ROCK1: variants seen among roughly 807,000 people sequenced by gnomAD.
ROCK1 encodes Rho associated coiled-coil containing protein kinase 1.
In ROCK1, 36 loss-of-function variants were observed where a neutral mutation model predicts 196.8. The ratio of observed to expected loss-of-function variants is 0.18; its 90% confidence interval spans 0.14 to 0.24. The LOEUF is 0.24. Among genes scored for constraint, ROCK1 ranks in the 10% least tolerant of loss-of-function variants. ROCK1 has a pLI of 1.00. For synonymous variants in ROCK1, 443 were observed against 515.9 expected (o/e 0.86, Z 1.91); for missense variants, 920 against 1,562.0 (o/e 0.59, Z 6.93).
rs56303348 is a variant in ROCK1, at chr18:21,059,189, T to C, written c.176-9309A>G. Among the ~76,000 whole-genome samples the C allele has an allele frequency of 1.0e-2, 1,520 of 152,296 alleles. 30 individuals are homozygous for C. The highest frequency in any genetic ancestry group is 0.034 in the African/African-American group (1,431 of 41,550). On this transcript the variant is annotated intron_variant, in intron 2 of 32. Transcript: ENST00000399799. The stretch of plus-strand genomic sequence containing the variant: ...ATGCCTAGTTATTTGCAATTATCTA[T>C]ATAAGCCCATACTGCTTCATCTCTC...
chr18:20,993,091 T>G (rs2035640341), intron 16 of ROCK1, among the ~76,000 whole-genome samples, 154 bp from the exon 17 acceptor site: 1 of 152,278 alleles, frequency 6.6e-6, no homozygotes, highest in African/African-American at 2.4e-5. Flanking sequence ...AAACACAAGA[T>G]ATGGAATAAA....
intron 18 of ROCK1, among the ~76,000 whole-genome samples, chr18:20,988,499 T>C (rs1027170340): frequency 3.3e-5 from 5 of 152,210 alleles, no homozygotes; most frequent in African/African-American, 1.2e-4. Context: ...CTTGAAAGCA[T>C]TCCCCACAGA....
intron 29 of ROCK1, 29 bp downstream of exon 29, chr18:20,959,811 C>G: frequency 8.2e-7 from 1 of 1,223,016 alleles, no homozygotes; most frequent in Non-Finnish European, 1.2e-6. Context: ...GCTCTCAACC[C>G]CTTTAAAATT....
intron 2 of ROCK1, among the ~76,000 whole-genome samples, chr18:21,058,496 A>T (rs775315463): frequency 2.6e-5 from 4 of 152,234 alleles, no homozygotes; most frequent in Non-Finnish European, 5.9e-5. Context: ...CCCAGTATAC[A>T]TTGCATACTT....
At chr18:21,108,377 A>T (rs910888796) in intron 1 of ROCK1, among the ~76,000 whole-genome samples, 9 of 152,060 alleles carry the variant, frequency 5.9e-5, no homozygotes, top group Non-Finnish European at 1.3e-4. Context: ...CTTTACCATT[A>T]TATCAACTTG....
chr18:20,984,629 A>C, intron 19 of ROCK1, 94 bp from the exon 20 acceptor site: 1 of 861,486 alleles, frequency 1.2e-6, no homozygotes, highest in Middle Eastern at 3.5e-4. Flanking sequence ...GTACATTATA[A>C]TTCATGGTAC....
At chr18:21,040,046 G>T (rs547153902) in intron 8 of ROCK1, among the ~76,000 whole-genome samples, 3 of 152,142 alleles carry the variant, frequency 2.0e-5, no homozygotes, top group Non-Finnish European at 2.9e-5. Context: ...GAAACACAGC[G>T]AGACTCCGTC....
Position 20,984,471 on chromosome 18 carries a change from A to G in ROCK1, c.2369T>C (p.Leu790Ser). ...GTCTGCCTCAAATGCTTGAGTCTTC[A>G]ATTCATTTTGTAACAACAGCCGCTT... Reference protein sequence around the residue: ...SNKRLLLQNELKTQAFEADNL... With the variant: ...SNKRLLLQNESKTQAFEADNL... The change falls in exon 20 of 33, where the codon TTG (leucine) becomes TCG (serine). Residue 790 changes from leucine to serine, a missense_variant. Leu to Ser is a moderately radical substitution (Grantham distance 145). Around this residue, in one of 6 missense-constraint regions of ROCK1, gnomAD observed 520 missense variants for 657.1 expected, o/e 0.79. Transcript: ENST00000399799. 1 of 1,613,478 alleles carries G rather than the reference A, an allele frequency of 6.2e-7. No individual in the cohort carries two copies. Among genetic ancestry groups the G allele is most frequent in the East Asian group, 2.2e-5 (1 of 44,802 alleles).
At chr18:20,952,422 T>C (rs2035198243) in intron 32 of ROCK1, among the ~76,000 whole-genome samples, 1 of 151,516 alleles carries the variant, frequency 6.6e-6, no homozygotes, top group Non-Finnish European at 1.5e-5. Flanking sequence ...AATGAATGAA[T>C]GGTTATGCCT....
At chr18:20,968,738 A>C (rs770513544) in intron 25 of ROCK1, 34 bp downstream of exon 25, 13 of 1,273,816 alleles carry the variant, frequency 1.0e-5, no homozygotes, top group African/African-American at 1.5e-5. Context: ...TAACTCAAAA[A>C]TGAACATGTG....
At chr18:21,025,278 T>C (rs780764472) in intron 10 of ROCK1, among the ~76,000 whole-genome samples, 2 of 152,362 alleles carry the variant, frequency 1.3e-5, no homozygotes, top group East Asian at 3.9e-4. Context: ...TTAAAAATCA[T>C]GTTTAATTCA....
At chr18:21,059,528 A>C (rs1354460855) in intron 2 of ROCK1, among the ~76,000 whole-genome samples, 6 of 152,216 alleles carry the variant, frequency 3.9e-5, no homozygotes, top group Non-Finnish European at 8.8e-5. Flanking sequence ...TTATATACAA[A>C]TGGAGATAAA....
At chr18:20,966,147 C>G (rs2035372370) in intron 27 of ROCK1, among the ~76,000 whole-genome samples, 1 of 152,112 alleles carries the variant, frequency 6.6e-6, no homozygotes, top group South Asian at 2.1e-4. Flanking sequence ...AACTAAGACT[C>G]TGTGTATATG....
At chr18:20,966,872 T>G in intron 27 of ROCK1, 45 bp downstream of exon 27, 1 of 1,437,192 alleles carries the variant, frequency 7.0e-7, no homozygotes, top group Non-Finnish European at 9.6e-7. Flanking sequence ...TACACTAATT[T>G]CCATGACATT....
At chr18:20,960,344 G>A (rs2035315352) in intron 27 of ROCK1, 138 bp from the exon 28 acceptor site, 1 of 582,548 alleles carries the variant, frequency 1.7e-6, no homozygotes, top group Non-Finnish European at 3.1e-6. Context: ...GCTCTTCCAT[G>A]CTTCAATCAC....
intron 16 of ROCK1, among the ~76,000 whole-genome samples, chr18:21,002,383 C>A (rs1431116346): frequency 5.3e-5 from 8 of 152,128 alleles, no homozygotes; most frequent in Admixed American, 5.2e-4. Flanking sequence ...AAGAATAATG[C>A]AAAGGGCTAA....
Position 20,951,187 on chromosome 18 carries a change from A to G in ROCK1, c.*197T>C. On this transcript the variant is annotated 3_prime_UTR_variant, in exon 33 of 33. Coordinates refer to ENST00000399799, the MANE Select transcript of ROCK1 (RefSeq NM_005406.3). Reference sequence around the variant, plus strand: ...GCATTACATAGTAATAATTAATCTAATCTACCTGTAGGCAAACCCGCAATA... The same window carrying G: ...GCATTACATAGTAATAATTAATCTAGTCTACCTGTAGGCAAACCCGCAATA... 1 of 444,508 alleles carries G rather than the reference A, an allele frequency of 2.2e-6. No homozygotes were observed. The highest frequency in any genetic ancestry group is 4.1e-6 in the Non-Finnish European group (1 of 242,212). 27.5% of individuals were successfully genotyped at this position (444,508 alleles called of 1,614,324 possible).
intron 2 of ROCK1, among the ~76,000 whole-genome samples, chr18:21,065,520 T>A (rs2036326719): frequency 6.6e-6 from 1 of 152,274 alleles, no homozygotes; most frequent in Non-Finnish European, 1.5e-5. Flanking sequence ...ATGAATCTTG[T>A]ACCCTAAAGT....
At chr18:20,958,908 TA>T (rs2035277149) in intron 29 of ROCK1, among the ~76,000 whole-genome samples, 2 of 106,838 alleles carry the variant, frequency 1.9e-5, no homozygotes, top group African/African-American at 3.6e-5. Flanking sequence ...TATATATATA[TA>T]TTTTATATAT....
Sources: gnomAD v4.1 joint callset for allele counts (sites outside exome capture counted in the v4.1 genomes callset) on GRCh38, gnomAD v4.1.1 for gene constraint, gnomAD v4.1.1 regional missense constraint, MANE v1.5 for transcripts, NCBI Gene and HGNC (gene_info 2026-07-23, HGNC 2026-07-21) for gene names.